CFAP45: variants seen among roughly 807,000 people sequenced by gnomAD.
CFAP45 encodes cilia- and flagella-associated protein 45.
Under a neutral mutation model 75.6 loss-of-function variants are expected in CFAP45, and 43 were observed. That is an observed-to-expected ratio of 0.57 (90% CI 0.45 to 0.73). CFAP45 has a LOEUF of 0.73. CFAP45 is among the 30% of genes least tolerant of loss of function. The pLI is 0.00. For missense variants in CFAP45, 689 were observed against 701.5 expected (o/e 0.98, Z 0.20); for synonymous variants, 223 against 244.6 (o/e 0.91, Z 0.82).
At chr1:159,894,357 C>T (rs1298440908) in intron 1 of CFAP45, among the ~76,000 whole-genome samples, 1 of 152,204 alleles carries the variant, frequency 6.6e-6, no homozygotes, top group Non-Finnish European at 1.5e-5. Flanking sequence ...CCCTTTGCCT[C>T]CAATCTTTTC....
Position 159,886,587 on chromosome 1 carries a change from T to C in CFAP45, c.691A>G (p.Met231Val). The part of the protein sequence containing the change: ...LDTEEKRLDQ[M>V]MEVERQKSIQ... ...GATTTCTGCCGCTCCACTTCCATCA[T>C]CTGATCCAACCGCTTCTCTTCTGTG... The change falls in exon 6 of 12, where the codon ATG becomes GTG. Residue 231 changes from methionine (M) to valine (V), a missense_variant. Met to Val is a conservative substitution (Grantham distance 21, BLOSUM62 1). Coordinates refer to ENST00000368099, the MANE Select transcript of CFAP45 (RefSeq NM_012337.3). 1 of 1,614,192 alleles carries C rather than the reference T, an allele frequency of 6.2e-7. No individual in the cohort carries two copies. The highest frequency in any genetic ancestry group is 1.7e-5 in the Admixed American group (1 of 60,020).
chr1:159,876,719 C>T lies in CFAP45; in HGVS notation c.1189G>A (p.Val397Ile). ...DALRAKRNQE[V>I]ADREWRRKEK... ...TTTCTGCGCCACTCTCTGTCTGCAA[C>T]CTCCTGGTTGCGCTTGGCCCGCAAG... The change falls in exon 10 of 12, where the codon GTT becomes ATT. Residue 397 changes from valine to isoleucine, a missense_variant. By Grantham distance (29) the Val-to-Ile change is conservative (BLOSUM62 3). Coordinates refer to ENST00000368099, the MANE Select transcript of CFAP45 (RefSeq NM_012337.3). 2 of 1,614,204 alleles carry T rather than the reference C, an allele frequency of 1.2e-6. No individual in the cohort carries two copies. Among genetic ancestry groups the T allele is most frequent in the Non-Finnish European group, 1.7e-6 (2 of 1,180,042 alleles).
chr1:159,880,169 T>C (rs1392048966), intron 8 of CFAP45, among the ~76,000 whole-genome samples: 1 of 152,144 alleles, frequency 6.6e-6, no homozygotes, highest in East Asian at 1.9e-4. Context: ...ATATAGGCAT[T>C]TGCACAAGAA....
chr1:159,882,302 G>T (rs16842786), intron 7 of CFAP45, among the ~76,000 whole-genome samples: 7,874 of 151,650 alleles, frequency 0.052, 529 homozygotes, highest in East Asian at 0.28. Context: ...CCTGCTATTT[G>T]TATCCCAGAC....
At chr1:159,895,398 T>G (rs1445302921) in intron 1 of CFAP45, among the ~76,000 whole-genome samples, 1 of 152,208 alleles carries the variant, frequency 6.6e-6, no homozygotes, top group East Asian at 1.9e-4. Context: ...TCCAGGTCCC[T>G]AAGCCCTGGA....
In CFAP45 at chr1:159,893,050, T is replaced by A. The variant is rs995663062; in HGVS notation, c.129+130A>T. ...AAGCTCTGCAGCTCAGGTCTCAGAA[T>A]TCCCCTTTGTCTTCAGTCTGAGAGT... On this transcript the variant is annotated intron_variant, in intron 2 of 11. Transcript: ENST00000368099. The A allele has an allele frequency of 1.9e-5, 19 of 1,017,980 alleles. 1 individual carries two copies. The highest frequency in any genetic ancestry group is 2.8e-5 in the Non-Finnish European group (19 of 685,130). The allele number at this position is 1,017,980 out of a possible 1,614,324, so 63.1% of individuals were successfully genotyped here.
chr1:159,876,520 A>G (rs1649404104), intron 10 of CFAP45, 36 bp downstream of exon 10: 4 of 1,465,544 alleles, frequency 2.7e-6, no homozygotes, highest in Non-Finnish European at 3.8e-6. Flanking sequence ...GCTACAGTAC[A>G]AGGAAAGGAA....
chr1:159,877,393 A>G lies in CFAP45; in HGVS notation c.1114T>C (p.Leu372=), dbSNP rs754656009. Residue 372 remains leucine (L), a synonymous_variant, in exon 9 of 12, where the codon TTG becomes CTG. Transcript: ENST00000368099. ...TGGGCCTTCTCCTGCATGGCCCTCA[A>G]GCGTGCGATCTCCTTCTCTTTCTCC... The part of the protein sequence containing the change: ...RREKEKEIAR[L]RAMQEKAQDY... The G allele has an allele frequency of 1.2e-6, 2 of 1,613,956 alleles. No individual in the cohort carries two copies. Among genetic ancestry groups the G allele is most frequent in the East Asian group, 2.2e-5 (1 of 44,890 alleles).
intron 8 of CFAP45, among the ~76,000 whole-genome samples, chr1:159,878,753 TAA>T (rs539116292): frequency 1.9e-3 from 63 of 32,470 alleles, no homozygotes; most frequent in East Asian, 0.013. Flanking sequence ...AGACTACATC[TAA>T]AAAAAAAAAA....
At chr1:159,879,681 T>C (rs1029402231) in intron 8 of CFAP45, among the ~76,000 whole-genome samples, 1 of 152,212 alleles carries the variant, frequency 6.6e-6, no homozygotes, top group South Asian at 2.1e-4. Flanking sequence ...AGCTTCATTT[T>C]CTGTGGTTTG....
chr1:159,873,476 T>C, intron 10 of CFAP45: 2 of 398,794 alleles, frequency 5.0e-6, no homozygotes, highest in South Asian at 5.5e-5. Flanking sequence ...TTAATAATTT[T>C]TGAACAAGGG....
At chr1:159,891,859 T>A (rs922457688) in intron 2 of CFAP45, among the ~76,000 whole-genome samples, 21 of 152,224 alleles carry the variant, frequency 1.4e-4, no homozygotes, top group African/African-American at 4.1e-4. Context: ...ACAAGCATTT[T>A]TCTGATAGCC....
chr1:159,899,602 G>A (rs1650026702), intron 1 of CFAP45, among the ~76,000 whole-genome samples: 1 of 151,824 alleles, frequency 6.6e-6, no homozygotes, highest in Non-Finnish European at 1.5e-5. Flanking sequence ...CGAGTAGCTG[G>A]GACTACAGGC....
intron 1 of CFAP45, among the ~76,000 whole-genome samples, chr1:159,895,141 C>G (rs902283112): frequency 6.6e-6 from 1 of 152,224 alleles, no homozygotes; most frequent in Non-Finnish European, 1.5e-5. Context: ...TCCCAAAGGA[C>G]AGGCAGCTTC....
In CFAP45 at chr1:159,890,468, C is replaced by T. The variant is rs375033821; in HGVS notation, c.272+12G>A. The stretch of plus-strand genomic sequence containing the variant: ...GGACTGGACATAGAAGGGCAGGGGA[C>T]GGTGTACTCACATGAGTTCTCGGAC... On this transcript the variant is annotated intron_variant, in intron 3 of 11. Coordinates refer to ENST00000368099, the MANE Select transcript of CFAP45 (RefSeq NM_012337.3). 1.8e-4 allele frequency: 286 copies of T among 1,613,632 alleles called. No homozygotes were observed. Among genetic ancestry groups the T allele is most frequent in the South Asian group, 1.4e-3 (129 of 91,048 alleles).
At chr1:159,887,658 C>A (rs566606643) in intron 5 of CFAP45, among the ~76,000 whole-genome samples, 183 bp downstream of exon 5, 1 of 152,220 alleles carries the variant, frequency 6.6e-6, no homozygotes, top group Non-Finnish European at 1.5e-5. Context: ...GGTCACACAG[C>A]GAACAGGTGG....
intron 2 of CFAP45, 78 bp from the exon 3 acceptor site, chr1:159,890,700 CA>C: frequency 7.9e-7 from 1 of 1,270,750 alleles, no homozygotes; most frequent in Non-Finnish European, 1.1e-6. Flanking sequence ...AAGGATAGAG[CA>C]GCGTGATGCC....
intron 2 of CFAP45, 142 bp from the exon 3 acceptor site, chr1:159,890,764 T>C: frequency 1.5e-6 from 1 of 669,350 alleles, no homozygotes; most frequent in Non-Finnish European, 2.4e-6. Flanking sequence ...TTTCTTTTTT[T>C]TTTTTTTTTT....
intron 7 of CFAP45, among the ~76,000 whole-genome samples, 168 bp downstream of exon 7, chr1:159,884,268 C>T (rs906137385): frequency 6.6e-5 from 10 of 152,148 alleles, no homozygotes; most frequent in African/African-American, 2.4e-4. Context: ...CAGCGTGACA[C>T]CATGGTGAAA....
Sources: gnomAD v4.1 joint callset for allele counts (sites outside exome capture counted in the v4.1 genomes callset) on GRCh38, gnomAD v4.1.1 for gene constraint, MANE v1.5 for transcripts, NCBI Gene and HGNC (gene_info 2026-07-23, HGNC 2026-07-21) for gene names.